The following MCC variants were observed in gnomAD, a reference collection of about 807,000 sequenced individuals.
MCC encodes colorectal mutant cancer protein.
A neutral mutation model predicts 116.2 loss-of-function variants in MCC; 90 were observed. The observed-to-expected ratio is 0.77, with a 90% confidence interval of 0.65 to 0.92. The LOEUF is 0.92. Among genes scored for constraint, MCC ranks in the 40% least tolerant of loss-of-function variants. The pLI is 0.00. For missense variants in MCC, 1,516 were observed against 1,312.2 expected (o/e 1.16, Z -2.40); for synonymous variants, 578 against 510.5 (o/e 1.13, Z -1.78).
chr5:113,086,613 C>G (rs1474939511), intron 8 of MCC, among the ~76,000 whole-genome samples: 1 of 152,226 alleles, frequency 6.6e-6, no homozygotes, highest in Non-Finnish European at 1.5e-5. Flanking sequence ...AGTTACAACT[C>G]TGTGACTTCC....
At chr5:113,265,864 G>A (rs552460787) in intron 3 of MCC, among the ~76,000 whole-genome samples, 38 of 152,246 alleles carry the variant, frequency 2.5e-4, no homozygotes, top group African/African-American at 7.9e-4. Context: ...ACACGTCTAA[G>A]TGTAACAGTG....
chr5:113,260,887 A>G (rs553926516), intron 3 of MCC, among the ~76,000 whole-genome samples: 11 of 152,168 alleles, frequency 7.2e-5, no homozygotes, highest in Non-Finnish European at 1.5e-4. Context: ...TTCACCTGAC[A>G]GCTCTAATTT....
At chr5:113,405,772 ACTCC>A (rs1769815263) in intron 1 of MCC, among the ~76,000 whole-genome samples, 1 of 151,868 alleles carries the variant, frequency 6.6e-6, no homozygotes, top group Non-Finnish European at 1.5e-5. Flanking sequence ...GCACCACTCC[ACTCC>A]AGCCTAGGTG....
intron 5 of MCC, among the ~76,000 whole-genome samples, chr5:113,133,202 ACT>A (rs1489458186): frequency 3.3e-5 from 5 of 151,864 alleles, no homozygotes; most frequent in Admixed American, 6.6e-5. Flanking sequence ...TATTATAGTC[ACT>A]CTATTGAATT....
chr5:113,192,758 T>C (rs1419109345), intron 3 of MCC, among the ~76,000 whole-genome samples: 3 of 152,194 alleles, frequency 2.0e-5, no homozygotes, highest in Admixed American at 1.3e-4. Flanking sequence ...TCCTTCTCCA[T>C]AGGTTTATCA....
chr5:113,064,287 G>A, intron 13 of MCC, 120 bp from the exon 14 acceptor site: 1 of 874,338 alleles, frequency 1.1e-6, no homozygotes, highest in East Asian at 2.6e-5. Context: ...GAAGGGAATT[G>A]GCAGTGCCCA....
intron 3 of MCC, among the ~76,000 whole-genome samples, chr5:113,162,763 T>G (rs1760560688): frequency 6.6e-6 from 1 of 152,142 alleles, no homozygotes; most frequent in East Asian, 1.9e-4. Context: ...CCTCTCAAAG[T>G]GCTGGGATTA....
chr5:113,244,931 T>C (rs1764513042), intron 3 of MCC, among the ~76,000 whole-genome samples: 1 of 152,234 alleles, frequency 6.6e-6, no homozygotes, highest in African/African-American at 2.4e-5. Flanking sequence ...GCAGCAATAC[T>C]GCCCACAAGT....
chr5:113,057,609 C>T (rs1477432135), intron 14 of MCC, among the ~76,000 whole-genome samples: 1 of 152,214 alleles, frequency 6.6e-6, no homozygotes, highest in Non-Finnish European at 1.5e-5. Flanking sequence ...AAAGCGCGCC[C>T]ACAGCAGAGG....
chr5:113,250,902 C>A (rs1764776475), intron 3 of MCC, among the ~76,000 whole-genome samples: 1 of 152,188 alleles, frequency 6.6e-6, no homozygotes, highest in Non-Finnish European at 1.5e-5. Context: ...ACAGCCCCTG[C>A]AACAGGTAAA....
chr5:113,079,003 T>G (rs1754658960), intron 11 of MCC, among the ~76,000 whole-genome samples: 1 of 152,210 alleles, frequency 6.6e-6, no homozygotes, highest in Non-Finnish European at 1.5e-5. Context: ...CAAGCATTCC[T>G]GTACACCAAT....
chr5:113,320,218 G>GA (rs1186826234), intron 3 of MCC, among the ~76,000 whole-genome samples: 1 of 151,854 alleles, frequency 6.6e-6, no homozygotes, highest in Non-Finnish European at 1.5e-5. Context: ...TGTCTGCCCA[G>GA]AAAAAACCCA....
intron 1 of MCC, among the ~76,000 whole-genome samples, chr5:113,387,631 A>G (rs1404480604): frequency 6.6e-6 from 1 of 152,212 alleles, no homozygotes; most frequent in East Asian, 1.9e-4. Context: ...CTGATTGGTA[A>G]AAATATGGTG....
At chr5:113,121,155 T>A (rs1171099053) in intron 6 of MCC, among the ~76,000 whole-genome samples, 1 of 152,222 alleles carries the variant, frequency 6.6e-6, no homozygotes, top group Admixed American at 6.5e-5. Flanking sequence ...ACCACCCTAA[T>A]CTGAGCAACA....
intron 3 of MCC, among the ~76,000 whole-genome samples, chr5:113,298,782 A>G (rs1429993988): frequency 2.0e-5 from 3 of 152,216 alleles, no homozygotes; most frequent in Admixed American, 2.0e-4. Flanking sequence ...TCAGAGATAT[A>G]ATAACTAATA....
chr5:113,442,361 T>C (rs1771066610), intron 1 of MCC, among the ~76,000 whole-genome samples: 3 of 152,212 alleles, frequency 2.0e-5, no homozygotes, highest in Admixed American at 6.5e-5. Flanking sequence ...TTTTTTCTTG[T>C]AAATTTGTTT....
At chr5:113,260,205 A>T (rs1332633785) in intron 3 of MCC, among the ~76,000 whole-genome samples, 2 of 152,170 alleles carry the variant, frequency 1.3e-5, no homozygotes, top group African/African-American at 4.8e-5. Flanking sequence ...TATGTGGGTT[A>T]TATCCACTGT....
chr5:113,411,112 G>T (rs1769978749), intron 1 of MCC, among the ~76,000 whole-genome samples: 1 of 152,090 alleles, frequency 6.6e-6, no homozygotes, highest in Non-Finnish European at 1.5e-5. Context: ...CATCCTTTCG[G>T]TATATAACCA....
chr5:113,357,531 A>G (rs748504252), intron 2 of MCC, among the ~76,000 whole-genome samples: 2 of 152,162 alleles, frequency 1.3e-5, no homozygotes, highest in Non-Finnish European at 2.9e-5. Context: ...TAAAATAATA[A>G]TTGGTCACAG....
Sources: gnomAD v4.1 joint callset for allele counts (sites outside exome capture counted in the v4.1 genomes callset) on GRCh38, gnomAD v4.1.1 for gene constraint, MANE v1.5 for transcripts, NCBI Gene and HGNC (gene_info 2026-07-23, HGNC 2026-07-21) for gene names.